Variants in DPEP1 observed in about 807,000 individuals in gnomAD.
DPEP1 encodes dipeptidase 1.
Under a neutral mutation model 42.3 loss-of-function variants are expected in DPEP1, and 50 were observed. The observed-to-expected ratio is 1.18, with a 90% CI of 0.94 to 1.50. The LOEUF is 1.50. Among genes scored for constraint, DPEP1 ranks in the 40% most tolerant of loss-of-function variants. The pLI is 0.00. For missense variants in DPEP1, 663 were observed against 553.0 expected, an observed-to-expected ratio of 1.20 and a Z score of -1.99; for synonymous variants, 297 against 234.0, an observed-to-expected ratio of 1.27 and a Z score of -2.46.
chr16:89,638,837 CACAT>C (rs1328230350), downstream of DPEP1, among the ~76,000 whole-genome samples: 1 of 73,818 alleles, frequency 1.4e-5, no homozygotes, highest in East Asian at 6.7e-4. Context: ...TGCACACACA[CACAT>C]ACCCCACCCC....
In DPEP1 at chr16:89,638,073, C is replaced by T. The variant is rs1458061498; in HGVS notation, c.1087C>T (p.Pro363Ser). 1 of 1,612,270 alleles carries T rather than the reference C, an allele frequency of 6.2e-7. No homozygotes were observed. The highest frequency in any genetic ancestry group is 8.5e-7 in the Non-Finnish European group (1 of 1,179,822). ...CCAGGCCAGCAACCTCACACAGGCT[C>T]CCGAGGAGGAGCCCATCCCGCTGGA... ...VEQASNLTQA[P>S]EEEPIPLDQL... The change falls in exon 11 of 11, where the codon CCC (proline) becomes TCC (serine). Residue 363 changes from proline (P) to serine (S), a missense_variant. Pro to Ser is a moderately conservative substitution (Grantham distance 74, BLOSUM62 -1). Transcript: ENST00000690203.
chr16:89,620,684 C>A (rs1036762236), intron 1 of DPEP1: 2 of 152,246 alleles, frequency 1.3e-5, no homozygotes, highest in Admixed American at 1.3e-4. Context: ...GAAACAACCC[C>A]CAAGCCTTGT....
At chr16:89,618,373 C>T (rs983378011) in intron 1 of DPEP1, among the ~76,000 whole-genome samples, 4 of 152,096 alleles carry the variant, frequency 2.6e-5, no homozygotes, top group Non-Finnish European at 4.4e-5. Flanking sequence ...TGTGCCACCA[C>T]GCTTGGCTAA....
Position 89,636,588 on chromosome 16 carries a change from C to T in DPEP1, c.426C>T (p.Gly142=), listed in dbSNP as rs774538748. The part of the protein sequence containing the change: ...GKVASLIGVE[G]GHSIDSSLGV... ...TGGCCAGCCTGATCGGCGTGGAGGG[C>T]GGCCACTCCATTGACAGCAGTTTGG... The change falls in exon 5 of 11, where the codon GGC becomes GGT. Residue 142 remains glycine, a synonymous_variant. Coordinates refer to ENST00000690203, the MANE Select transcript of DPEP1 (RefSeq NM_001389466.1). 16 of 1,612,468 alleles carry T rather than the reference C, an allele frequency of 9.9e-6. No homozygotes were observed. Among genetic ancestry groups the T allele is most frequent in the East Asian group, 2.2e-5 (1 of 44,870 alleles).
At chr16:89,639,030 A>C (rs1306695247), downstream of DPEP1, among the ~76,000 whole-genome samples, 1 of 39,220 alleles carries the variant, frequency 2.5e-5, no homozygotes, top group Non-Finnish European at 4.4e-5. Flanking sequence ...GCACGCACAC[A>C]CCCCCCACCC....
chr16:89,614,664 G>C (rs542527052), intron 1 of DPEP1, among the ~76,000 whole-genome samples: 2 of 152,278 alleles, frequency 1.3e-5, no homozygotes, highest in African/African-American at 2.4e-5. Context: ...GCGTGGTGGC[G>C]GGCGCCTGTA....
intron 1 of DPEP1, among the ~76,000 whole-genome samples, chr16:89,627,269 T>C (rs1186094180): frequency 9.9e-6 from 1 of 100,624 alleles, no homozygotes; most frequent in Admixed American, 1.0e-4. Context: ...TGAGACTCCG[T>C]CTCAAAAAAA....
Position 89,638,290 on chromosome 16 carries a change from C to G in DPEP1, c.*68C>G, listed in dbSNP as rs1356249450. 1.4e-6 allele frequency: 2 copies of G among 1,468,456 alleles called. No individual in the cohort carries two copies. Among genetic ancestry groups the G allele is most frequent in the East Asian group, 2.4e-5 (1 of 40,962 alleles). The allele number at this position is 1,468,456 out of a possible 1,614,324, so 91.0% of individuals were successfully genotyped here. On this transcript the variant is annotated 3_prime_UTR_variant, in exon 11 of 11. Transcript: ENST00000690203. ...GGGAAGACCCGCCCATCCCAGGACT[C>G]CAGATGCCAGGAGCCCTGCTGCCCA...
chr16:89,636,309 G>C lies in DPEP1; in HGVS notation c.283G>C (p.Val95Leu), dbSNP rs201940244. ...CTGCGACACCCAGAACAAAGACGCC[G>C]TGCGGAGGACGCTGGAGCAGATGGA... The part of the protein sequence containing the change: ...TPCDTQNKDA[V>L]RRTLEQMDVV... The change falls in exon 4 of 11, where the codon GTG becomes CTG. Residue 95 changes from valine to leucine, a missense_variant. Transcript: ENST00000690203. 4 of 1,612,112 alleles carry C rather than the reference G, an allele frequency of 2.5e-6. No individual in the cohort carries two copies. The highest frequency in any genetic ancestry group is 3.4e-6 in the Non-Finnish European group (4 of 1,179,810).
Position 89,627,621 on chromosome 16 carries a change from G to A in DPEP1, c.-106-2684G>A, listed in dbSNP as rs79550794. On this transcript the variant is annotated intron_variant, in intron 1 of 10. Transcript: ENST00000690203. Reference sequence around the variant, plus strand: ...GGGAGGGGAGAAGAGGGAAAGGAAGGGCAGGGGAACCCAGTCTTGGATATT... The same window carrying A: ...GGGAGGGGAGAAGAGGGAAAGGAAGAGCAGGGGAACCCAGTCTTGGATATT... Among the ~76,000 whole-genome samples, 3,352 of 149,744 alleles carry A rather than the reference G, an allele frequency of 0.022. 608 individuals carry two copies. In the East Asian group the frequency reaches 0.49, roughly 22 times the overall value.
At chr16:89,638,579 T>C (rs898840145), downstream of DPEP1, 24 of 857,468 alleles carry the variant, frequency 2.8e-5, no homozygotes, top group Non-Finnish European at 3.5e-5. Context: ...AAAAGGGCTT[T>C]GTAGAGACAC....
intron 2 of DPEP1, among the ~76,000 whole-genome samples, chr16:89,632,999 C>T (rs1302983923): frequency 2.0e-5 from 3 of 152,116 alleles, no homozygotes; most frequent in Non-Finnish European, 4.4e-5. Context: ...TGCAGCCTGT[C>T]CCTCCAAGGG....
chr16:89,637,845 G>A lies in DPEP1; in HGVS notation c.939G>A (p.Glu313=), dbSNP rs1271563729. 6.2e-7 allele frequency: 1 copy of A among 1,612,762 alleles called. No homozygotes were observed. Residue 313 remains glutamate, a synonymous_variant, in exon 10 of 11, where the codon GAG becomes GAA. Coordinates refer to ENST00000690203, the MANE Select transcript of DPEP1 (RefSeq NM_001389466.1). The part of the protein sequence containing the change: ...GDFDGVPRVP[E]GLEDVSKYPD... ...CCTGGCCTCAACACAGGGTCCCTGA[G>A]GGGCTGGAGGACGTCTCCAAGTATC...
intron 1 of DPEP1, among the ~76,000 whole-genome samples, chr16:89,617,295 A>G (rs2059387972): frequency 6.6e-6 from 1 of 151,912 alleles, no homozygotes; most frequent in African/African-American, 2.4e-5. Context: ...GAGGTGGGAG[A>G]GGTAGGCAGG....
At position 89,638,409 on chromosome 16, in the gene DPEP1, G is replaced by A. The variant is rs532421104; in HGVS notation, c.*187G>A. 5.6e-5 allele frequency: 76 copies of A among 1,345,310 alleles called. No homozygotes were observed. The highest frequency in any genetic ancestry group is 2.3e-4 in the East Asian group (8 of 35,352). 83.3% of individuals were successfully genotyped at this position (1,345,310 alleles called of 1,614,324 possible). A position where few individuals can be genotyped will look rare whatever the true frequency, so the allele number is the denominator to read the frequency against. ...TTCAGGACACACACACAGTAGGCCC[G>A]CAATAAAAGCAACACCCCTTCACAT... On this transcript the variant is annotated 3_prime_UTR_variant, in exon 11 of 11. Coordinates refer to ENST00000690203, the MANE Select transcript of DPEP1 (RefSeq NM_001389466.1).
At chr16:89,640,320 C>G (rs911291795), downstream of DPEP1, among the ~76,000 whole-genome samples, 1 of 152,152 alleles carries the variant, frequency 6.6e-6, no homozygotes, top group Non-Finnish European at 1.5e-5. Context: ...GGGCCCAGGT[C>G]ACTTCCAGAT....
chr16:89,635,792 C>A, intron 2 of DPEP1, 116 bp from the exon 3 acceptor site: 1 of 1,384,554 alleles, frequency 7.2e-7, no homozygotes, highest in Non-Finnish European at 9.5e-7. Flanking sequence ...GACTTCAGTC[C>A]TGCGTCTGTC....
At chr16:89,638,901 GCA>G (rs1225823003), downstream of DPEP1, among the ~76,000 whole-genome samples, 6 of 23,776 alleles carry the variant, frequency 2.5e-4, no homozygotes, top group Non-Finnish European at 3.4e-4. Flanking sequence ...CCCCACCCCT[GCA>G]CACACACACA....
Position 89,622,827 on chromosome 16 carries a change from C to G in DPEP1, c.-106-7478C>G, listed in dbSNP as rs143481065. Among the ~76,000 whole-genome samples, 101 of 151,290 alleles carry G rather than the reference C, an allele frequency of 6.7e-4. 3 individuals carry two copies. In the East Asian group the frequency reaches 0.018, roughly 28 times the overall value. On this transcript the variant is annotated intron_variant, in intron 1 of 10. Coordinates refer to ENST00000690203, the MANE Select transcript of DPEP1 (RefSeq NM_001389466.1). ...CTCGTCAGACAATAGAAAGTCTCCG[C>G]TGCAGGCAAAGATTCCGACCCATTT...
Sources: gnomAD v4.1 joint callset for allele counts (sites outside exome capture counted in the v4.1 genomes callset) on GRCh38, gnomAD v4.1.1 for gene constraint, MANE v1.5 for transcripts, NCBI Gene and HGNC (gene_info 2026-07-23, HGNC 2026-07-21) for gene names.